TSPEAR: variants seen among roughly 807,000 people sequenced by gnomAD.
TSPEAR encodes the protein thrombospondin-type laminin G domain and EAR repeat-containing protein.
Under a neutral mutation model 71.6 loss-of-function variants are expected in TSPEAR, and 69 were observed. The observed-to-expected ratio is 0.96, with a 90% CI of 0.79 to 1.18. TSPEAR has a LOEUF of 1.18. Ranked by LOEUF, TSPEAR falls within the 50% of genes most tolerant of loss-of-function variation. The pLI is 0.00. For missense variants in TSPEAR, 971 were observed against 894.9 expected (o/e 1.09, Z -1.09); for synonymous variants, 402 against 387.2 (o/e 1.04, Z -0.45).
intron 2 of TSPEAR, among the ~76,000 whole-genome samples, chr21:44,541,127 G>A (rs1393859282): frequency 2.6e-5 from 4 of 152,060 alleles, no homozygotes; most frequent in African/African-American, 4.8e-5. Flanking sequence ...TGTCCTTGCT[G>A]TCCTCAGCTT....
intron 2 of TSPEAR, among the ~76,000 whole-genome samples, chr21:44,562,562 G>C (rs2146060271): frequency 6.6e-6 from 1 of 152,158 alleles, no homozygotes; most frequent in South Asian, 2.1e-4. Flanking sequence ...TACGCAAACA[G>C]ACATATCATA....
chr21:44,505,637 A>G (rs889615042), intron 10 of TSPEAR, among the ~76,000 whole-genome samples: 6 of 135,554 alleles, frequency 4.4e-5, no homozygotes, highest in Non-Finnish European at 7.7e-5. Context: ...TGACCACTCT[A>G]GGGACCTCAT....
At chr21:44,677,995 C>T (rs1192444037) in intron 1 of TSPEAR, 42 of 1,027,174 alleles carry the variant, frequency 4.1e-5, no homozygotes, top group East Asian at 7.3e-5. Flanking sequence ...AGAGTATCGG[C>T]GGCATGGTCA....
At chr21:44,707,511 G>A (rs1987994370) in intron 1 of TSPEAR, among the ~76,000 whole-genome samples, 1 of 152,178 alleles carries the variant, frequency 6.6e-6, no homozygotes, top group South Asian at 2.1e-4. Flanking sequence ...TGTCTGGAGC[G>A]GAACCGTAGT....
chr21:44,676,136 A>G, intron 1 of TSPEAR: 1 of 940,198 alleles, frequency 1.1e-6, no homozygotes. Flanking sequence ...TGAGGCGGGA[A>G]TAGAAGCAGG....
At chr21:44,541,150 C>A (rs1436924977) in intron 2 of TSPEAR, among the ~76,000 whole-genome samples, 1 of 152,098 alleles carries the variant, frequency 6.6e-6, no homozygotes, top group African/African-American at 2.4e-5. Context: ...TTTCTTCAAA[C>A]GTAAGCTGCA....
At chr21:44,544,956 T>G (rs1245045199) in intron 2 of TSPEAR, among the ~76,000 whole-genome samples, 16 of 150,958 alleles carry the variant, frequency 1.1e-4, no homozygotes, top group African/African-American at 3.9e-4. Context: ...TGGACAGACA[T>G]GAAGAAAGAA....
intron 1 of TSPEAR, among the ~76,000 whole-genome samples, chr21:44,626,711 A>C (rs1205084255): frequency 1.3e-5 from 2 of 152,136 alleles, no homozygotes; most frequent in African/African-American, 4.8e-5. Flanking sequence ...CACCACAGGA[A>C]ATAATTCCTA....
chr21:44,518,404 C>T (rs1224692913), intron 9 of TSPEAR: 6 of 414,144 alleles, frequency 1.4e-5, no homozygotes, highest in South Asian at 9.0e-5. Flanking sequence ...GTAAATTGGA[C>T]TTGGTGTTAT....
intron 1 of TSPEAR, among the ~76,000 whole-genome samples, chr21:44,592,983 G>T (rs1980099439): frequency 6.6e-6 from 1 of 152,170 alleles, no homozygotes; most frequent in South Asian, 2.1e-4. Context: ...CATGGTGGGG[G>T]TGGGGGGCAG....
At chr21:44,647,266 C>T (rs782424379) in intron 1 of TSPEAR, 1 of 1,602,588 alleles carries the variant, frequency 6.2e-7, no homozygotes. Flanking sequence ...CTGCTGCCGC[C>T]CGGCCTCCTG....
chr21:44,682,907 C>CTT (rs1986677051), intron 1 of TSPEAR, among the ~76,000 whole-genome samples: 1 of 152,054 alleles, frequency 6.6e-6, no homozygotes, highest in Non-Finnish European at 1.5e-5. Flanking sequence ...GAGAGCAGGC[C>CTT]CCACACTGTG....
At chr21:44,702,313 GC>G in intron 1 of TSPEAR, 2 of 1,609,820 alleles carry the variant, frequency 1.2e-6, no homozygotes, top group South Asian at 2.2e-5. Context: ...CTGTGCCCCG[GC>G]CCCCTGCCTG....
At chr21:44,504,989 A>G in intron 10 of TSPEAR, 108 bp from the exon 11 acceptor site, 2 of 763,324 alleles carry the variant, frequency 2.6e-6, no homozygotes, top group South Asian at 2.9e-5. Context: ...CCGGGGCCAA[A>G]GTGGGGAGTG....
chr21:44,649,977 C>T (rs994537369), intron 1 of TSPEAR, among the ~76,000 whole-genome samples: 4 of 152,170 alleles, frequency 2.6e-5, no homozygotes, highest in Admixed American at 6.5e-5. Context: ...ATCTCAGCAC[C>T]GTGGGAGGCC....
chr21:44,697,783 C>T (rs781962196), intron 1 of TSPEAR: 22 of 1,613,922 alleles, frequency 1.4e-5, no homozygotes, highest in Non-Finnish European at 1.7e-5. Flanking sequence ...CCTCCTCCTC[C>T]GTGTCCCTCC....
intron 1 of TSPEAR, chr21:44,591,311 G>C (rs1439220036): frequency 1.3e-6 from 2 of 1,524,832 alleles, no homozygotes; most frequent in Non-Finnish European, 8.8e-7. Context: ...GTCAAAGCCA[G>C]AGAGGGCAGA....
In TSPEAR at chr21:44,698,993, G is replaced by A. The variant is rs1447803127; in HGVS notation, c.82+12440C>T. On this transcript the variant is annotated intron_variant, in intron 1 of 11. Transcript: ENST00000323084. ...AGGCAGGAAGATCACTTGAGCCCAGGAATTCGAGACCAGCCTGGCCAACAT... is the reference window on the plus strand; with the variant it reads ...AGGCAGGAAGATCACTTGAGCCCAGAAATTCGAGACCAGCCTGGCCAACAT... Among the ~76,000 whole-genome samples the A allele has an allele frequency of 2.6e-5, 4 of 152,158 alleles. No individual in the cohort carries two copies. The East Asian group carries it at 7.7e-4, about 29-fold the overall frequency.
At chr21:44,651,362 C>G (rs1187841948) in intron 1 of TSPEAR, among the ~76,000 whole-genome samples, 1 of 152,156 alleles carries the variant, frequency 6.6e-6, no homozygotes, top group East Asian at 1.9e-4. Flanking sequence ...GGATGTGTGT[C>G]CTGTGGCCAC....
Sources: allele counts gnomAD v4.1 joint callset (sites outside exome capture counted in the v4.1 genomes callset), GRCh38; gene constraint gnomAD v4.1.1; transcripts MANE v1.5; gene names NCBI Gene and HGNC (gene_info 2026-07-23, HGNC 2026-07-21).